TDRP: variants seen among roughly 807,000 people sequenced by gnomAD.
TDRP encodes testis development related protein, also known as testis development-related protein.
A neutral mutation model predicts 10.5 loss-of-function variants in TDRP; 12 were observed. That is an observed-to-expected ratio of 1.15 (90% CI 0.73 to 1.86). TDRP has a LOEUF of 1.86. TDRP is among the 40% of genes most tolerant of loss of function. The pLI is 0.00. For synonymous variants in TDRP, 139 were observed against 95.4 expected (o/e 1.46, Z -2.67); for missense variants, 353 against 229.2 (o/e 1.54, Z -3.49).
chr8:535,712 C>A (rs537601106), intron 1 of TDRP, among the ~76,000 whole-genome samples: 10 of 151,900 alleles, frequency 6.6e-5, no homozygotes, highest in Non-Finnish European at 1.5e-5. Flanking sequence ...TGGACAAGTG[C>A]CCACCAGAGG....
intron 1 of TDRP, among the ~76,000 whole-genome samples, chr8:513,196 ACAC>A (rs1201232994): frequency 6.6e-6 from 1 of 152,074 alleles, no homozygotes; most frequent in Non-Finnish European, 1.5e-5. Context: ...CTAGACAAAG[ACAC>A]CACGAGAAAA....
At chr8:507,473 C>A (rs1444438720) in intron 1 of TDRP, among the ~76,000 whole-genome samples, 1 of 152,048 alleles carries the variant, frequency 6.6e-6, no homozygotes, top group South Asian at 2.1e-4. Flanking sequence ...GCAATGTATG[C>A]CCCAGGACAT....
intron 1 of TDRP, among the ~76,000 whole-genome samples, chr8:511,331 T>C (rs1056008539): frequency 2.0e-5 from 3 of 151,652 alleles, no homozygotes; most frequent in Admixed American, 6.7e-5. Flanking sequence ...AAAGTGACTA[T>C]GTAAACAAAA....
chr8:509,796 T>C (rs1383065801), intron 1 of TDRP, among the ~76,000 whole-genome samples: 2 of 152,240 alleles, frequency 1.3e-5, no homozygotes, highest in African/African-American at 4.8e-5. Flanking sequence ...CTTTTTCTTT[T>C]CTATTACTTT....
intron 1 of TDRP, among the ~76,000 whole-genome samples, chr8:503,111 C>G (rs1328649030): frequency 6.7e-6 from 1 of 150,288 alleles, no homozygotes; most frequent in African/African-American, 2.5e-5. Context: ...AAGCCACACA[C>G]TGGAACCAAT....
chr8:539,512 G>A (rs1416216213), intron 1 of TDRP, among the ~76,000 whole-genome samples: 4 of 152,166 alleles, frequency 2.6e-5, no homozygotes, highest in Non-Finnish European at 2.9e-5. Flanking sequence ...GAAAGAATGA[G>A]GAAGCTCTTC....
At chr8:519,341 C>T (rs1485251624) in intron 1 of TDRP, among the ~76,000 whole-genome samples, 1 of 152,100 alleles carries the variant, frequency 6.6e-6, no homozygotes, top group Non-Finnish European at 1.5e-5. Flanking sequence ...GAAAAATGAG[C>T]TTTCTGGAGT....
At chr8:521,715 G>C (rs1007333109) in intron 1 of TDRP, among the ~76,000 whole-genome samples, 1 of 152,030 alleles carries the variant, frequency 6.6e-6, no homozygotes, top group African/African-American at 2.4e-5. Flanking sequence ...GATTGTTTTA[G>C]CTATTCAGGT....
intron 1 of TDRP, among the ~76,000 whole-genome samples, chr8:529,317 C>T (rs185145645): frequency 8.5e-5 from 13 of 152,242 alleles, no homozygotes; most frequent in African/African-American, 2.9e-4. Context: ...AAAACCAAAT[C>T]GAGTATTTTA....
intron 1 of TDRP, among the ~76,000 whole-genome samples, chr8:542,624 G>A (rs187383546): frequency 8.5e-5 from 13 of 152,216 alleles, no homozygotes; most frequent in Non-Finnish European, 1.9e-4. Flanking sequence ...CAGCACTTCA[G>A]AAGGCCGAGG....
chr8:543,133 C>T (rs1368901973), intron 1 of TDRP, among the ~76,000 whole-genome samples: 1 of 152,034 alleles, frequency 6.6e-6, no homozygotes, highest in Non-Finnish European at 1.5e-5. Flanking sequence ...CATAGCAAGA[C>T]CCCATTTCCA....
At position 492,333 on chromosome 8, in the gene TDRP, T is replaced by C; in HGVS notation, c.*66A>G. 7.2e-7 allele frequency: 1 copy of C among 1,397,602 alleles called. No individual in the cohort carries two copies. The highest frequency in any genetic ancestry group is 9.3e-7 in the Non-Finnish European group (1 of 1,071,940). The allele number at this position is 1,397,602 out of a possible 1,614,324, so 86.6% of individuals were successfully genotyped here. A position where few individuals can be genotyped will look rare whatever the true frequency, so the allele number is the denominator to read the frequency against. On this transcript the variant is annotated 3_prime_UTR_variant, in exon 3 of 3. Transcript: ENST00000324079. Reference sequence around the variant, plus strand: ...CTATTCTTTCTAACGCGGAAAAGACTCAACAACTACATGGTATACTCATAA... The same window carrying C: ...CTATTCTTTCTAACGCGGAAAAGACCCAACAACTACATGGTATACTCATAA...
intron 1 of TDRP, among the ~76,000 whole-genome samples, chr8:524,926 A>T (rs781124567): frequency 2.6e-5 from 4 of 152,212 alleles, no homozygotes; most frequent in Non-Finnish European, 5.9e-5. Flanking sequence ...AGAACTTCTC[A>T]ATCCTAGAGA....
intron 2 of TDRP, among the ~76,000 whole-genome samples, chr8:493,158 A>G (rs1266820826): frequency 1.3e-5 from 2 of 152,254 alleles, no homozygotes; most frequent in East Asian, 3.8e-4. Context: ...ACAGCAAGGT[A>G]AGGTCAAGCA....
rs906390542 is a variant in TDRP at position 491,758 on chromosome 8, A to G, written c.*641T>C. On this transcript the variant is annotated 3_prime_UTR_variant, in exon 3 of 3. Transcript: ENST00000324079. ...AGAGGTAAAAATAAAATTCCAAAAA[A>G]GAACCACTGTTACTATCCAGTGGAC... The G allele has an allele frequency of 3.4e-5, 48 of 1,400,412 alleles. No individual in the cohort carries two copies. The Admixed American group carries it at 8.7e-4, about 25-fold the overall frequency. 86.7% of individuals were successfully genotyped at this position (1,400,412 alleles called of 1,614,324 possible). A position where few individuals can be genotyped will look rare whatever the true frequency, so the allele number is the denominator to read the frequency against.
chr8:521,159 T>C lies in TDRP; in HGVS notation c.108+23491A>G, dbSNP rs181609668. 2.5e-3 allele frequency among the ~76,000 whole-genome samples: 380 copies of C among 150,496 alleles called. 1 individual carries two copies. Among genetic ancestry groups the C allele is most frequent in the African/African-American group, 9.0e-3 (368 of 40,836 alleles). ...AGCTCACACCTGTAATCCCAGCACT[T>C]TGGGAGGCCGAGGCAGGCGGATCAT... On this transcript the variant is annotated intron_variant, in intron 1 of 2. Transcript: ENST00000324079.
chr8:508,102 T>C (rs1046335929), intron 1 of TDRP, among the ~76,000 whole-genome samples: 2 of 151,860 alleles, frequency 1.3e-5, no homozygotes, highest in South Asian at 2.1e-4. Flanking sequence ...AAGGAAAGTA[T>C]GATAAAGATG....
chr8:496,145 C>CA (rs1188614657), intron 1 of TDRP, among the ~76,000 whole-genome samples: 1 of 152,170 alleles, frequency 6.6e-6, no homozygotes, highest in South Asian at 2.1e-4. Flanking sequence ...ACCATCACAG[C>CA]AAAAAACACT....
At chr8:543,371 T>C (rs117465271) in intron 1 of TDRP, among the ~76,000 whole-genome samples, 1 of 151,958 alleles carries the variant, frequency 6.6e-6, no homozygotes, top group Non-Finnish European at 1.5e-5. Context: ...TTAGGAAAAA[T>C]GGGAGAACAT....
Sources: gnomAD v4.1 joint callset for allele counts (sites outside exome capture counted in the v4.1 genomes callset) on GRCh38, gnomAD v4.1.1 for gene constraint, MANE v1.5 for transcripts, NCBI Gene and HGNC (gene_info 2026-07-23, HGNC 2026-07-21) for gene names.